PDCD6: variants seen among roughly 807,000 people sequenced by gnomAD.
The protein encoded by PDCD6 is programmed cell death protein 6.
Under a neutral mutation model 28.3 loss-of-function variants are expected in PDCD6, and 12 were observed. The observed-to-expected ratio is 0.42, with a 90% confidence interval of 0.27 to 0.69. The LOEUF is 0.69. Among genes scored for constraint, PDCD6 ranks in the 30% least tolerant of loss-of-function variants. The pLI, the probability that PDCD6 is intolerant of heterozygous loss-of-function variation, is 0.22. For missense variants in PDCD6, 226 were observed against 269.9 expected, an observed-to-expected ratio of 0.84 and a Z score of 1.14; for synonymous variants, 92 against 108.0, an observed-to-expected ratio of 0.85 and a Z score of 0.92.
chr5:311,556 G>A (rs939124517), intron 5 of PDCD6, 154 bp downstream of exon 5: 3 of 609,288 alleles, frequency 4.9e-6, no homozygotes, highest in South Asian at 4.0e-5. Flanking sequence ...GAAGTAGCCG[G>A]TTAGTGAAGT....
At chr5:281,831 T>C (rs78188723) in intron 2 of PDCD6, among the ~76,000 whole-genome samples, 81 of 105,144 alleles carry the variant, frequency 7.7e-4, no homozygotes, top group African/African-American at 4.0e-3. Flanking sequence ...GATTGAGCAT[T>C]GTGCAGCTGA....
At chr5:306,295 C>T (rs572874635) in intron 3 of PDCD6, 21 of 313,310 alleles carry the variant, frequency 6.7e-5, no homozygotes, top group Non-Finnish European at 1.3e-4. Context: ...TTCTTTCTGT[C>T]GTGGCTGCGG....
intron 1 of PDCD6, 64 bp downstream of exon 1, chr5:271,885 A>T (rs1737828479): frequency 2.3e-6 from 2 of 861,076 alleles, no homozygotes; most frequent in Non-Finnish European, 3.2e-6. Flanking sequence ...CCCTGTCCCG[A>T]CTCCCCCGAC....
chr5:286,625 C>T (rs578122966), intron 2 of PDCD6, among the ~76,000 whole-genome samples: 2 of 150,326 alleles, frequency 1.3e-5, no homozygotes, highest in African/African-American at 4.9e-5. Flanking sequence ...TCTGATGTTC[C>T]AGTTTCAGGG....
At chr5:301,921 G>A (rs1228599529) in intron 2 of PDCD6, among the ~76,000 whole-genome samples, 1 of 145,958 alleles carries the variant, frequency 6.9e-6, no homozygotes, top group Non-Finnish European at 1.5e-5. Context: ...GCCTTTGTGG[G>A]AAGAGCACAG....
intron 2 of PDCD6, among the ~76,000 whole-genome samples, chr5:303,534 G>A (rs1373342420): frequency 2.0e-5 from 3 of 151,892 alleles, no homozygotes; most frequent in Admixed American, 1.3e-4. Flanking sequence ...TGAGTCTGAG[G>A]ATAGTACAGC....
chr5:312,350 T>G (rs1252506471), intron 5 of PDCD6: 1 of 152,268 alleles, frequency 6.6e-6, no homozygotes, highest in Non-Finnish European at 1.5e-5. Context: ...CCTGTCTTGT[T>G]GGCCTTGGAA....
intron 2 of PDCD6, among the ~76,000 whole-genome samples, chr5:303,589 A>T (rs529995306): frequency 6.6e-6 from 1 of 151,832 alleles, no homozygotes; most frequent in Admixed American, 6.6e-5. Context: ...CCCAGACCGT[A>T]ATTTGTCAGG....
At chr5:276,844 G>A (rs1404921246) in intron 2 of PDCD6, 1 of 985,372 alleles carries the variant, frequency 1.0e-6, no homozygotes, top group African/African-American at 1.7e-5. Context: ...CAGGAGAGCT[G>A]CTAAAAATTA....
chr5:305,982 A>G lies in PDCD6; in HGVS notation c.209-620A>G, dbSNP rs569113089. 1 of 153,714 alleles carries G rather than the reference A, an allele frequency of 6.5e-6. No homozygotes were observed. Among genetic ancestry groups the G allele is most frequent in the Non-Finnish European group, 1.4e-5 (1 of 69,022 alleles). 9.5% of individuals were successfully genotyped at this position (153,714 alleles called of 1,614,324 possible). ...CATTTTCTCTGCAGCAGTAATTCAC[A>G]CTGAATTTTTCTATGTTTTTTAGCC... is the stretch of plus-strand genomic sequence containing the variant. On this transcript the variant is annotated intron_variant, in intron 3 of 5. Transcript: ENST00000264933. This position sits in a 1 kb window ranked among gnomAD's most constrained non-coding sequence, Gnocchi z 4.0.
chr5:303,295 C>T (rs1188519579), intron 2 of PDCD6, among the ~76,000 whole-genome samples: 306 of 112,078 alleles, frequency 2.7e-3, no homozygotes, highest in Non-Finnish European at 4.0e-3. Context: ...CATTTTTGTG[C>T]ATAAAAAAAA....
intron 1 of PDCD6, 59 bp downstream of exon 1, chr5:271,880 T>G: frequency 5.3e-6 from 5 of 941,480 alleles, no homozygotes; most frequent in Non-Finnish European, 5.9e-6. Context: ...CCGACCCCTG[T>G]CCCGACTCCC....
intron 5 of PDCD6, 97 bp downstream of exon 5, chr5:311,499 T>C: frequency 2.6e-6 from 2 of 782,460 alleles, no homozygotes; most frequent in East Asian, 2.6e-5. Context: ...GCTGGGCATG[T>C]GTAGAATTAG....
chr5:272,870 A>G lies in PDCD6; in HGVS notation c.163+98A>G, dbSNP rs1167483090. On this transcript the variant is annotated intron_variant, in intron 2 of 5. Coordinates refer to ENST00000264933, the MANE Select transcript of PDCD6 (RefSeq NM_013232.4). ...TTCTGAAGTTGTTTTTCCAAGGACA[A>G]AGGAATCATTAGGACAAATTGTTAT... is the stretch of plus-strand genomic sequence containing the variant. 4.0e-6 allele frequency: 6 copies of G among 1,491,598 alleles called. 1 individual carries two copies. Among genetic ancestry groups the G allele is most frequent in the Non-Finnish European group, 5.4e-6 (6 of 1,104,122 alleles). The allele number at this position is 1,491,598 out of a possible 1,614,324, so 92.4% of individuals were successfully genotyped here.
intron 2 of PDCD6, among the ~76,000 whole-genome samples, chr5:284,867 G>A (rs1379375763): frequency 6.8e-6 from 1 of 147,414 alleles, no homozygotes; most frequent in Admixed American, 6.8e-5. Context: ...TGCAGCTGGA[G>A]ACCCCGCGGG....
intron 2 of PDCD6, chr5:276,434 A>G (rs1205474963): frequency 1.0e-6 from 1 of 988,158 alleles, no homozygotes; most frequent in African/African-American, 1.7e-5. Flanking sequence ...GGATAAACAC[A>G]TATCCTCTTC....
At chr5:285,627 C>A (rs1297337651) in intron 2 of PDCD6, among the ~76,000 whole-genome samples, 17 of 151,004 alleles carry the variant, frequency 1.1e-4, no homozygotes, top group Admixed American at 6.6e-5. Context: ...TCTGATGTTC[C>A]AGTTTCAGGT....
chr5:281,029 CAGAG>C (rs577290076), intron 2 of PDCD6, among the ~76,000 whole-genome samples: 2 of 152,230 alleles, frequency 1.3e-5, no homozygotes, highest in African/African-American at 4.8e-5. Context: ...TCTGCACAGG[CAGAG>C]AGAAATAAGA....
chr5:290,937 T>C (rs1739275702), intron 2 of PDCD6, among the ~76,000 whole-genome samples: 1 of 151,958 alleles, frequency 6.6e-6, no homozygotes, highest in African/African-American at 2.4e-5. Context: ...TATAACTGCC[T>C]TCTAAGTATT....
Sources: allele counts gnomAD v4.1 joint callset (sites outside exome capture counted in the v4.1 genomes callset), GRCh38; gene constraint gnomAD v4.1.1; non-coding constraint Gnocchi (gnomAD v3.1); transcripts MANE v1.5; gene names NCBI Gene and HGNC (gene_info 2026-07-23, HGNC 2026-07-21).